CNTNAP2: variants seen among roughly 807,000 people sequenced by gnomAD.
The protein encoded by CNTNAP2 is contactin associated protein 2.
Under a neutral mutation model 155.2 loss-of-function variants are expected in CNTNAP2, and 98 were observed. The observed-to-expected ratio is 0.63, with a 90% CI of 0.54 to 0.75. The LOEUF (loss-of-function observed/expected upper bound fraction) is 0.75. Among genes scored for constraint, CNTNAP2 ranks in the 30% least tolerant of loss-of-function variants. The pLI, the probability that CNTNAP2 is intolerant of heterozygous loss-of-function variation, is 0.00. For synonymous variants in CNTNAP2, 651 were observed against 631.2 expected, an observed-to-expected ratio of 1.03 and a Z score of -0.47; for missense variants, 1,727 against 1,688.1, an observed-to-expected ratio of 1.02 and a Z score of -0.40.
intron 11 of CNTNAP2, among the ~76,000 whole-genome samples, chr7:147,489,931 A>G (rs1271739817): frequency 2.6e-5 from 4 of 152,122 alleles, no homozygotes; most frequent in Admixed American, 6.5e-5. Context: ...TCTTATATAT[A>G]CTACTAGTTC....
chr7:146,441,275 A>G (rs966836778), intron 1 of CNTNAP2, among the ~76,000 whole-genome samples: 1 of 151,482 alleles, frequency 6.6e-6, no homozygotes, highest in Non-Finnish European at 1.5e-5. Flanking sequence ...CTTAAGCCCT[A>G]TTCTTCTGGG....
At chr7:147,638,093 A>G (rs1002162221) in intron 12 of CNTNAP2, among the ~76,000 whole-genome samples, 2 of 152,208 alleles carry the variant, frequency 1.3e-5, no homozygotes, top group Admixed American at 6.5e-5. Flanking sequence ...TAAGGATTTA[A>G]ATATATTTGA....
chr7:147,951,820 G>T (rs1246863651), intron 14 of CNTNAP2, among the ~76,000 whole-genome samples: 1 of 152,006 alleles, frequency 6.6e-6, no homozygotes, highest in African/African-American at 2.4e-5. Flanking sequence ...CCTAATGCAT[G>T]CGGGGCTTAA....
intron 11 of CNTNAP2, among the ~76,000 whole-genome samples, chr7:147,535,527 C>T (rs945314824): frequency 2.6e-5 from 4 of 152,184 alleles, no homozygotes; most frequent in Non-Finnish European, 4.4e-5. Context: ...TTCCTAAAAT[C>T]TAAGATGGCT....
intron 1 of CNTNAP2, among the ~76,000 whole-genome samples, chr7:146,630,658 T>G (rs1253433124): frequency 6.6e-6 from 1 of 152,094 alleles, no homozygotes; most frequent in African/African-American, 2.4e-5. Context: ...CCTGACTTTT[T>G]AATAATTGCC....
At chr7:147,325,881 A>C (rs1289996313) in intron 9 of CNTNAP2, among the ~76,000 whole-genome samples, 1 of 151,708 alleles carries the variant, frequency 6.6e-6, no homozygotes, top group Non-Finnish European at 1.5e-5. Flanking sequence ...CTAACTCCCT[A>C]TTTCTTCCTC....
chr7:146,215,559 A>G (rs548368709), intron 1 of CNTNAP2, among the ~76,000 whole-genome samples: 1 of 151,966 alleles, frequency 6.6e-6, no homozygotes, highest in African/African-American at 2.4e-5. Flanking sequence ...TCCAAGAAAG[A>G]GGGTTCGCCT....
At chr7:147,745,012 C>T (rs1463188541) in intron 13 of CNTNAP2, among the ~76,000 whole-genome samples, 3 of 151,540 alleles carry the variant, frequency 2.0e-5, no homozygotes, top group South Asian at 4.2e-4. Flanking sequence ...TTAGGTGAAC[C>T]ATAACCTACA....
intron 8 of CNTNAP2, among the ~76,000 whole-genome samples, chr7:147,223,939 C>CAAA: frequency 2.2e-5 from 1 of 45,808 alleles, no homozygotes; most frequent in Non-Finnish European, 4.8e-5. Context: ...GACTCAATCT[C>CAAA]AAAAAAAAAA....
chr7:146,956,690 T>C (rs1797445008), intron 3 of CNTNAP2, among the ~76,000 whole-genome samples: 1 of 152,196 alleles, frequency 6.6e-6, no homozygotes, highest in South Asian at 2.1e-4. Context: ...CTGTGTATAA[T>C]ATCCCCTTGA....
chr7:148,318,639 A>T (rs1027094588), intron 21 of CNTNAP2, among the ~76,000 whole-genome samples: 2 of 152,198 alleles, frequency 1.3e-5, no homozygotes, highest in South Asian at 4.1e-4. Context: ...CTTTTAACAA[A>T]GCAGGTGGCA....
At chr7:146,893,114 C>A (rs574547259) in intron 3 of CNTNAP2, among the ~76,000 whole-genome samples, 1 of 152,052 alleles carries the variant, frequency 6.6e-6, no homozygotes, top group Non-Finnish European at 1.5e-5. Context: ...TATTTTATAT[C>A]TCTTGCATTG....
chr7:146,937,652 C>G (rs1053127215), intron 3 of CNTNAP2, among the ~76,000 whole-genome samples: 2 of 152,188 alleles, frequency 1.3e-5, no homozygotes, highest in East Asian at 3.9e-4. Context: ...GCCCTGGAAA[C>G]TTCCATTGGC....
At chr7:147,248,974 G>A (rs1272671703) in intron 8 of CNTNAP2, among the ~76,000 whole-genome samples, 1 of 151,888 alleles carries the variant, frequency 6.6e-6, no homozygotes, top group Non-Finnish European at 1.5e-5. Flanking sequence ...TGATCTATGG[G>A]AGAAGAAAAA....
chr7:148,032,610 C>T (rs1383431002), intron 15 of CNTNAP2, among the ~76,000 whole-genome samples: 1 of 152,152 alleles, frequency 6.6e-6, no homozygotes, highest in Non-Finnish European at 1.5e-5. Flanking sequence ...CAACATGACA[C>T]CTTATTTGCA....
At chr7:147,655,135 T>C (rs2116945633) in intron 13 of CNTNAP2, among the ~76,000 whole-genome samples, 1 of 148,484 alleles carries the variant, frequency 6.7e-6, no homozygotes, top group African/African-American at 2.5e-5. Flanking sequence ...TCTTTTTTCT[T>C]TTTTCAAGGC....
At chr7:147,429,515 T>G (rs914034615) in intron 10 of CNTNAP2, among the ~76,000 whole-genome samples, 1 of 152,176 alleles carries the variant, frequency 6.6e-6, no homozygotes, top group African/African-American at 2.4e-5. Flanking sequence ...CTCTGTGGGT[T>G]GTCTATTTAC....
chr7:148,317,335 A>G (rs1055997075), intron 21 of CNTNAP2, among the ~76,000 whole-genome samples: 9 of 151,568 alleles, frequency 5.9e-5, no homozygotes, highest in African/African-American at 2.2e-4. Context: ...AGCCTGGGCA[A>G]CAAGAATGAA....
chr7:147,168,334 A>C (rs974538661), intron 8 of CNTNAP2, among the ~76,000 whole-genome samples: 1 of 151,906 alleles, frequency 6.6e-6, no homozygotes, highest in Non-Finnish European at 1.5e-5. Context: ...TTTGGGAATT[A>C]CTGATGTTAT....
Sources: allele counts gnomAD v4.1 joint callset (sites outside exome capture counted in the v4.1 genomes callset), GRCh38; gene constraint gnomAD v4.1.1; transcripts MANE v1.5; gene names NCBI Gene and HGNC (gene_info 2026-07-23, HGNC 2026-07-21).